The following USP54 variants were observed in gnomAD, a reference collection of about 807,000 sequenced individuals.
The protein encoded by USP54 is ubiquitin carboxyl-terminal hydrolase 54.
Under a neutral mutation model 170.5 loss-of-function variants are expected in USP54, and 87 were observed. The ratio of observed to expected loss-of-function variants is 0.51; its 90% CI spans 0.43 to 0.61. The LOEUF (loss-of-function observed/expected upper bound fraction) is 0.61, where lower values mean the gene tolerates loss of function less well. Among genes scored for constraint, USP54 ranks in the 20% least tolerant of loss-of-function variants. USP54 has a pLI of 0.00. For missense variants in USP54, 1,786 were observed against 2,047.8 expected (o/e 0.87, Z 2.47); for synonymous variants, 655 against 742.8 (o/e 0.88, Z 1.92).
chr10:73,585,504 CAACCA>C, intron 1 of USP54, among the ~76,000 whole-genome samples: 1 of 152,168 alleles, frequency 6.6e-6, no homozygotes, highest in Admixed American at 6.5e-5. Context: ...CTCTCTTAAA[CAACCA>C]GATCTTGTGT....
chr10:73,618,513 C>T (rs764756592), intron 1 of USP54, among the ~76,000 whole-genome samples: 7 of 149,370 alleles, frequency 4.7e-5, no homozygotes, highest in Non-Finnish European at 8.9e-5. Flanking sequence ...GAGGATGAGG[C>T]GGGGTGGATC....
chr10:73,596,535 G>A (rs949427532), intron 1 of USP54, among the ~76,000 whole-genome samples: 1 of 151,376 alleles, frequency 6.6e-6, no homozygotes, highest in African/African-American at 2.4e-5. Context: ...CTCCAGCCTG[G>A]GTGACAGAGT....
chr10:73,579,501 T>C (rs933787460), intron 1 of USP54, among the ~76,000 whole-genome samples: 2 of 152,024 alleles, frequency 1.3e-5, no homozygotes, highest in African/African-American at 4.8e-5. Flanking sequence ...ATGCCTGTAA[T>C]CCCAGCACTT....
At chr10:73,539,325 T>A in intron 10 of USP54, 119 bp downstream of exon 10, 1 of 523,286 alleles carries the variant, frequency 1.9e-6, no homozygotes, top group East Asian at 5.1e-5. Context: ...TATATATATG[T>A]TTTATAGAAA....
In USP54 at chr10:73,516,359, CT is replaced by C; in HGVS notation, c.4051+15del. 6.3e-7 allele frequency: 1 copy of C among 1,591,662 alleles called. No individual in the cohort carries two copies. Reference sequence around the variant, plus strand: ...TGATCCTCCCCCCTCCCCCCAACCCCTGGTTGCATTCTTACCTGTTTGGCTA... The same window carrying C: ...TGATCCTCCCCCCTCCCCCCAACCCCGGTTGCATTCTTACCTGTTTGGCTA... On this transcript the variant is annotated intron_variant, in intron 20 of 23. Coordinates refer to ENST00000687698, the MANE Select transcript of USP54 (RefSeq NM_001391956.1).
intron 1 of USP54, among the ~76,000 whole-genome samples, chr10:73,625,380 C>A (rs1050538079): frequency 6.6e-6 from 1 of 152,038 alleles, no homozygotes; most frequent in Non-Finnish European, 1.5e-5. Flanking sequence ...GGAAAGGAGG[C>A]GGCGACGATC....
intron 12 of USP54, among the ~76,000 whole-genome samples, chr10:73,534,373 A>AT (rs201396962): frequency 5.4e-5 from 8 of 149,084 alleles, no homozygotes; most frequent in East Asian, 3.9e-4. Flanking sequence ...TGCCCAACTA[A>AT]TTTTTTTTTT....
intron 15 of USP54, among the ~76,000 whole-genome samples, chr10:73,528,547 C>T (rs987043241): frequency 1.3e-5 from 2 of 151,796 alleles, no homozygotes; most frequent in African/African-American, 4.8e-5. Context: ...TGAGCTACTG[C>T]GGCAGGCCTA....
At chr10:73,545,007 C>T (rs963966637) in intron 5 of USP54, among the ~76,000 whole-genome samples, 18 of 152,044 alleles carry the variant, frequency 1.2e-4, no homozygotes, top group African/African-American at 3.6e-4. Context: ...CCACCATGCC[C>T]GGCCTCAAAT....
At chr10:73,535,616 ATTGTT>A (rs1303143184) in intron 11 of USP54, among the ~76,000 whole-genome samples, 1 of 152,190 alleles carries the variant, frequency 6.6e-6, no homozygotes, top group Admixed American at 6.5e-5. Flanking sequence ...CAAGCTGAAA[ATTGTT>A]TTTACAGAAA....
upstream of USP54, among the ~76,000 whole-genome samples, chr10:73,591,709 G>C (rs1246524324): frequency 6.6e-6 from 1 of 152,094 alleles, no homozygotes; most frequent in Non-Finnish European, 1.5e-5. Flanking sequence ...AGGTTTGCAG[G>C]GTGGCTGCTG....
chr10:73,618,143 G>A (rs994934166), intron 1 of USP54, among the ~76,000 whole-genome samples: 5 of 150,030 alleles, frequency 3.3e-5, no homozygotes, highest in South Asian at 2.1e-4. Flanking sequence ...CCCGGGAGGC[G>A]GAGGTTGCAG....
chr10:73,614,749 T>C (rs1022144625), intron 1 of USP54, among the ~76,000 whole-genome samples: 1 of 149,844 alleles, frequency 6.7e-6, no homozygotes, highest in Non-Finnish European at 1.5e-5. Context: ...CATATAAAGA[T>C]AAATTCCAAA....
At position 73,540,589 on chromosome 10, in the gene USP54, A is replaced by G. The variant is rs182768001; in HGVS notation, c.825+786T>C. 4.4e-3 allele frequency among the ~76,000 whole-genome samples: 665 copies of G among 152,228 alleles called. 3 individuals carry two copies. The highest frequency in any genetic ancestry group is 0.015 in the African/African-American group (606 of 41,530). On this transcript the variant is annotated intron_variant, in intron 9 of 23. Coordinates refer to ENST00000687698, the MANE Select transcript of USP54 (RefSeq NM_001391956.1). ...CATCTCAAAAAAACAAAAAAGAAACAATTGCTTTTGTTTTTAAGAGACAGG... is the reference window on the plus strand; with the variant it reads ...CATCTCAAAAAAACAAAAAAGAAACGATTGCTTTTGTTTTTAAGAGACAGG...
At chr10:73,499,455 T>G (rs2057588936) in intron 23 of USP54, 1 of 420,284 alleles carries the variant, frequency 2.4e-6, no homozygotes, top group Non-Finnish European at 4.3e-6. Flanking sequence ...TAATCTCTCA[T>G]CCACTATACA....
intron 4 of USP54, 115 bp downstream of exon 4, chr10:73,571,306 A>G: frequency 1.2e-6 from 1 of 855,210 alleles, no homozygotes; most frequent in Non-Finnish European, 1.9e-6. Flanking sequence ...ACTAAACCAC[A>G]GGTAGATAAT....
intron 18 of USP54, 85 bp downstream of exon 18, chr10:73,520,823 T>C (rs1450144898): frequency 1.9e-6 from 3 of 1,585,286 alleles, no homozygotes; most frequent in Non-Finnish European, 8.6e-7. Flanking sequence ...AAAACTGTTT[T>C]TATCCTGTCT....
chr10:73,600,375 T>G (rs1437792838), intron 1 of USP54, among the ~76,000 whole-genome samples: 1 of 152,068 alleles, frequency 6.6e-6, no homozygotes, highest in African/African-American at 2.4e-5. Context: ...GATCCTGTGG[T>G]GATGAAAATA....
intron 1 of USP54, among the ~76,000 whole-genome samples, chr10:73,599,420 T>C (rs1374236127): frequency 6.6e-6 from 1 of 152,234 alleles, no homozygotes; most frequent in Non-Finnish European, 1.5e-5. Context: ...CATATCATGT[T>C]TAGTCCTTTA....
Sources: gnomAD v4.1 joint callset for allele counts (sites outside exome capture counted in the v4.1 genomes callset) on GRCh38, gnomAD v4.1.1 for gene constraint, MANE v1.5 for transcripts, NCBI Gene and HGNC (gene_info 2026-07-23, HGNC 2026-07-21) for gene names.